Variants in CDH12 observed in about 807,000 individuals in gnomAD.
CDH12 encodes the protein cadherin-12.
CDH12 carries 41 observed loss-of-function variants against 74.1 expected under a neutral mutation model. That is an observed-to-expected ratio of 0.55 (90% CI 0.43 to 0.72). The LOEUF (loss-of-function observed/expected upper bound fraction) is 0.72, where lower values mean the gene tolerates loss of function less well. CDH12 is among the 30% of genes least tolerant of loss of function. The pLI is 0.00. For missense variants in CDH12, 945 were observed against 977.2 expected, an observed-to-expected ratio of 0.97 and a Z score of 0.44; for synonymous variants, 399 against 355.0, an observed-to-expected ratio of 1.12 and a Z score of -1.39.
intron 4 of CDH12, among the ~76,000 whole-genome samples, chr5:22,208,339 G>A (rs537373012): frequency 3.9e-4 from 60 of 152,212 alleles, no homozygotes; most frequent in Non-Finnish European, 2.8e-4. Context: ...AATACGATAC[G>A]GGATATCAAC....
chr5:21,783,039 A>G (rs567095644), intron 11 of CDH12, among the ~76,000 whole-genome samples: 158 of 152,272 alleles, frequency 1.0e-3, no homozygotes, highest in African/African-American at 3.6e-3. Flanking sequence ...GAAATACCCA[A>G]TGATATGTAA....
At chr5:22,188,317 C>T (rs1382478686) in intron 4 of CDH12, among the ~76,000 whole-genome samples, 2 of 151,790 alleles carry the variant, frequency 1.3e-5, no homozygotes, top group Non-Finnish European at 2.9e-5. Flanking sequence ...TTGGCCTTCA[C>T]CATGTTGTGA....
intron 1 of CDH12, among the ~76,000 whole-genome samples, chr5:22,634,624 A>G (rs1443475761): frequency 1.3e-5 from 2 of 152,166 alleles, no homozygotes; most frequent in Non-Finnish European, 2.9e-5. Flanking sequence ...GGAAAAATAT[A>G]CAATTCAAGA....
chr5:22,774,546 G>C (rs1372615814), intron 1 of CDH12, among the ~76,000 whole-genome samples: 1 of 152,034 alleles, frequency 6.6e-6, no homozygotes, highest in East Asian at 1.9e-4. Context: ...TTCCCATGCT[G>C]TTCTTGTGAT....
intron 1 of CDH12, among the ~76,000 whole-genome samples, chr5:22,823,495 A>T (rs1458327003): frequency 1.3e-5 from 2 of 152,032 alleles, no homozygotes; most frequent in East Asian, 3.9e-4. Flanking sequence ...CTCCCCAGCC[A>T]TTTGGAACTG....
chr5:22,589,860 T>C (rs183762480), intron 1 of CDH12, among the ~76,000 whole-genome samples: 1 of 152,328 alleles, frequency 6.6e-6, no homozygotes, highest in East Asian at 1.9e-4. Context: ...CTATCATTTT[T>C]TTGTAATGAC....
chr5:22,145,957 C>G (rs1427883896), intron 4 of CDH12, among the ~76,000 whole-genome samples: 1 of 152,054 alleles, frequency 6.6e-6, no homozygotes, highest in Non-Finnish European at 1.5e-5. Context: ...GATCGCCTAT[C>G]TTTCCATCAT....
intron 1 of CDH12, among the ~76,000 whole-genome samples, chr5:22,591,301 C>A (rs560338123): frequency 6.6e-6 from 1 of 152,138 alleles, no homozygotes; most frequent in Non-Finnish European, 1.5e-5. Flanking sequence ...GAAAGAGTAA[C>A]CTTGCACTAA....
At chr5:22,169,199 T>C (rs1183481415) in intron 4 of CDH12, among the ~76,000 whole-genome samples, 1 of 113,782 alleles carries the variant, frequency 8.8e-6, no homozygotes, top group Non-Finnish European at 2.1e-5. Flanking sequence ...TCTTTCTGTC[T>C]TTTTTTTTCA....
At position 22,298,285 on chromosome 5, in the gene CDH12, T is replaced by C. The variant is rs149676881; in HGVS notation, c.-332-85642A>G. Among the ~76,000 whole-genome samples the C allele has an allele frequency of 3.9e-3, 590 of 151,910 alleles. 2 individuals are homozygous for C. The highest frequency in any genetic ancestry group is 0.013 in the African/African-American group (560 of 41,514). On this transcript the variant is annotated intron_variant, in intron 3 of 14. Coordinates refer to ENST00000382254, the MANE Select transcript of CDH12 (RefSeq NM_004061.5). ...ATATATATAGCACTTATTTAAATGG[T>C]AAGAAAGAATATGAGTGTGTATGTA...
At chr5:22,359,873 T>C (rs1404959289) in intron 3 of CDH12, among the ~76,000 whole-genome samples, 1 of 152,194 alleles carries the variant, frequency 6.6e-6, no homozygotes, top group Admixed American at 6.5e-5. Flanking sequence ...AGATGTTCTT[T>C]GAAACCAACG....
chr5:22,655,426 T>C (rs1340749725), intron 1 of CDH12, among the ~76,000 whole-genome samples: 1 of 152,184 alleles, frequency 6.6e-6, no homozygotes, highest in African/African-American at 2.4e-5. Context: ...ACTCAAAATA[T>C]TCATTATTTA....
At chr5:22,031,171 A>G (rs538674554) in intron 5 of CDH12, among the ~76,000 whole-genome samples, 2 of 152,118 alleles carry the variant, frequency 1.3e-5, no homozygotes, top group Admixed American at 6.6e-5. Context: ...TGTCTCTACT[A>G]AAAATAGAAA....
At chr5:22,098,479 T>C (rs569958012) in intron 4 of CDH12, among the ~76,000 whole-genome samples, 1,708 of 152,218 alleles carry the variant, frequency 0.011, 33 homozygotes, top group African/African-American at 0.038. Flanking sequence ...GTCCTCATGT[T>C]TGCGTGCAGC....
chr5:21,998,383 A>G (rs1464993925), intron 5 of CDH12, among the ~76,000 whole-genome samples: 7 of 152,106 alleles, frequency 4.6e-5, no homozygotes, highest in Admixed American at 6.6e-5. Context: ...TGATAGTGCA[A>G]TTCCAGTCCT....
intron 3 of CDH12, among the ~76,000 whole-genome samples, chr5:22,275,067 G>A (rs1047583551): frequency 1.3e-5 from 2 of 152,062 alleles, no homozygotes; most frequent in African/African-American, 4.8e-5. Flanking sequence ...TGAGGTGGTA[G>A]CTCTTAGGCA....
chr5:22,034,185 C>T (rs1739018910), intron 5 of CDH12, among the ~76,000 whole-genome samples: 1 of 152,138 alleles, frequency 6.6e-6, no homozygotes, highest in Non-Finnish European at 1.5e-5. Context: ...CAGTAGTGCA[C>T]CACCATGCCT....
chr5:22,775,580 T>A (rs1747048534), intron 1 of CDH12, among the ~76,000 whole-genome samples: 1 of 152,032 alleles, frequency 6.6e-6, no homozygotes, highest in Non-Finnish European at 1.5e-5. Flanking sequence ...CTGGATAATA[T>A]TAACATTGGG....
chr5:22,119,296 T>C (rs1745363854), intron 4 of CDH12, among the ~76,000 whole-genome samples: 1 of 150,100 alleles, frequency 6.7e-6, no homozygotes, highest in Non-Finnish European at 1.5e-5. Flanking sequence ...TTTTTTTTTT[T>C]TTTTTTTTTT....
Sources: allele counts gnomAD v4.1 joint callset (sites outside exome capture counted in the v4.1 genomes callset), GRCh38; gene constraint gnomAD v4.1.1; transcripts MANE v1.5; gene names NCBI Gene and HGNC (gene_info 2026-07-23, HGNC 2026-07-21).